Variants in RAB38 observed in about 807,000 individuals in gnomAD.
The protein encoded by RAB38 is RAB38, member RAS oncogene family.
In RAB38, 15 loss-of-function variants were observed where a neutral mutation model predicts 18.4. The observed-to-expected ratio is 0.82, with a 90% CI of 0.55 to 1.26. RAB38 has a LOEUF of 1.26. Among genes scored for constraint, RAB38 ranks in the 50% most tolerant of loss-of-function variants. The pLI, the probability that RAB38 is intolerant of heterozygous loss-of-function variation, is 0.00. For synonymous variants in RAB38, 101 were observed against 104.4 expected (o/e 0.97, Z 0.20); for missense variants, 294 against 267.4 (o/e 1.10, Z -0.69).
the RAB38 span, among the ~76,000 whole-genome samples, chr11:87,906,685 A>G: frequency 3.9e-5 from 6 of 151,944 alleles, no homozygotes; most frequent in Non-Finnish European, 8.8e-5. Context: ...CTAGAATCTT[A>G]CTTCTGAGAG....
At chr11:87,920,049 T>C in the RAB38 span, among the ~76,000 whole-genome samples, 5 of 151,992 alleles carry the variant, frequency 3.3e-5, no homozygotes, top group Non-Finnish European at 4.4e-5. Context: ...TCCCATAGTC[T>C]AGCTGTGGGT....
the RAB38 span, among the ~76,000 whole-genome samples, chr11:88,052,929 TATA>T: frequency 1.7e-5 from 1 of 57,986 alleles, no homozygotes; most frequent in Non-Finnish European, 2.7e-5. Context: ...TATATATATA[TATA>T]TATATATATA....
At chr11:87,814,020 C>T in the RAB38 span, among the ~76,000 whole-genome samples, 3 of 152,062 alleles carry the variant, frequency 2.0e-5, no homozygotes, top group East Asian at 1.9e-4. Flanking sequence ...TGTAATCTTA[C>T]TAAGAGTCAA....
At chr11:87,856,971 A>G in the RAB38 span, among the ~76,000 whole-genome samples, 1 of 151,984 alleles carries the variant, frequency 6.6e-6, no homozygotes, top group East Asian at 1.9e-4. Context: ...CCATTAACTC[A>G]TCATTTACAT....
chr11:88,108,421 T>A (rs1942428890), downstream of RAB38, among the ~76,000 whole-genome samples: 2 of 152,244 alleles, frequency 1.3e-5, no homozygotes, highest in South Asian at 4.1e-4. Context: ...ATCTGTTTTA[T>A]CAGACACTAG....
rs371902437 is a variant in RAB38, at chr11:88,114,150, A to C, written c.484-10T>G. ...CAATGTTTATATTTTCCTATGAGGG[A>C]AAAAATAAAACAGCTTTTCTTATTC... On this transcript the variant is annotated splice_polypyrimidine_tract_variant and intron_variant, in intron 2 of 2. Transcript: ENST00000243662. 33 of 1,613,578 alleles carry C rather than the reference A, an allele frequency of 2.0e-5. No individual in the cohort carries two copies. Among genetic ancestry groups the C allele is most frequent in the Admixed American group, 2.0e-4 (12 of 59,960 alleles).
chr11:87,839,647 C>CT, the RAB38 span, among the ~76,000 whole-genome samples: 2 of 152,156 alleles, frequency 1.3e-5, no homozygotes, highest in South Asian at 4.1e-4. Flanking sequence ...TCAATCTTAT[C>CT]AGCAGAAGTA....
At chr11:88,105,971 CA>C in the RAB38 span, among the ~76,000 whole-genome samples, 1 of 152,034 alleles carries the variant, frequency 6.6e-6, no homozygotes, top group Non-Finnish European at 1.5e-5. Context: ...CTGATCTGAA[CA>C]ATGAATTATA....
At chr11:87,962,509 AG>A in the RAB38 span, among the ~76,000 whole-genome samples, 67 of 104,424 alleles carry the variant, frequency 6.4e-4, no homozygotes, top group African/African-American at 1.5e-3. Context: ...GGCAGGGGGC[AG>A]GGGGGAAGAA....
chr11:88,031,911 C>T, the RAB38 span, among the ~76,000 whole-genome samples: 17 of 151,872 alleles, frequency 1.1e-4, no homozygotes, highest in South Asian at 1.0e-3. Flanking sequence ...AAAAAGAGCC[C>T]GCATCGCCAA....
At chr11:87,933,310 C>A in the RAB38 span, among the ~76,000 whole-genome samples, 5 of 152,228 alleles carry the variant, frequency 3.3e-5, no homozygotes, top group East Asian at 5.8e-4. Context: ...CTGGTATCCT[C>A]ATTTTCCTCT....
At chr11:88,008,393 G>T in the RAB38 span, among the ~76,000 whole-genome samples, 1 of 152,178 alleles carries the variant, frequency 6.6e-6, no homozygotes, top group Admixed American at 6.5e-5. Context: ...AAAGTTACCA[G>T]AAGAAGAGCA....
At chr11:87,945,538 G>A in the RAB38 span, among the ~76,000 whole-genome samples, 7 of 152,098 alleles carry the variant, frequency 4.6e-5, no homozygotes, top group African/African-American at 1.4e-4. Flanking sequence ...CAGTGCTGTG[G>A]TTGATTAAGG....
the RAB38 span, among the ~76,000 whole-genome samples, chr11:87,941,288 T>G: frequency 1.4e-5 from 2 of 140,916 alleles, no homozygotes; most frequent in Non-Finnish European, 3.0e-5. Flanking sequence ...AATGGCCTGG[T>G]AGCCCAAACT....
intron 2 of RAB38, among the ~76,000 whole-genome samples, chr11:88,137,145 G>A (rs1173392200): frequency 1.3e-5 from 2 of 152,198 alleles, no homozygotes; most frequent in Non-Finnish European, 2.9e-5. Flanking sequence ...AGTCCCCAGT[G>A]AAAACCAACC....
chr11:87,846,343 CA>C, the RAB38 span, among the ~76,000 whole-genome samples: 3 of 151,860 alleles, frequency 2.0e-5, no homozygotes, highest in South Asian at 4.2e-4. Context: ...TATGCTGCTA[CA>C]AGAGCTAAAC....
At chr11:87,806,589 A>G in the RAB38 span, among the ~76,000 whole-genome samples, 3 of 152,156 alleles carry the variant, frequency 2.0e-5, no homozygotes, top group East Asian at 3.8e-4. Context: ...GAAATTAGGG[A>G]AAAAAATTCC....
the RAB38 span, among the ~76,000 whole-genome samples, chr11:87,940,905 T>C: frequency 1.3e-5 from 2 of 151,984 alleles, no homozygotes; most frequent in African/African-American, 4.8e-5. Context: ...GTGCTGAGAT[T>C]ACAGGCATAA....
the RAB38 span, among the ~76,000 whole-genome samples, chr11:88,009,154 T>G: frequency 6.6e-6 from 1 of 152,186 alleles, no homozygotes; most frequent in Non-Finnish European, 1.5e-5. Flanking sequence ...TAGGTAATTT[T>G]AAATGCTCAA....
Sources: gnomAD v4.1 joint callset for allele counts (sites outside exome capture counted in the v4.1 genomes callset) on GRCh38, gnomAD v4.1.1 for gene constraint, MANE v1.5 for transcripts, NCBI Gene and HGNC (gene_info 2026-07-23, HGNC 2026-07-21) for gene names.